SBF2: variants seen among roughly 807,000 people sequenced by gnomAD.
The protein encoded by SBF2 is SET binding factor 2, also known as myotubularin-related protein 13.
Under a neutral mutation model 225.2 loss-of-function variants are expected in SBF2, and 112 were observed. The ratio of observed to expected loss-of-function variants is 0.50; its 90% CI spans 0.43 to 0.58. The LOEUF (loss-of-function observed/expected upper bound fraction) is 0.58, where lower values mean the gene tolerates loss of function less well. SBF2 is among the 20% of genes least tolerant of loss of function. The pLI is 0.00. For missense variants in SBF2, 1,996 were observed against 2,206.2 expected (o/e 0.90, Z 1.91); for synonymous variants, 763 against 773.3 (o/e 0.99, Z 0.22).
At chr11:9,789,464 C>G in intron 34 of SBF2, 122 bp from the exon 35 acceptor site, 2 of 668,128 alleles carry the variant, frequency 3.0e-6, no homozygotes, top group Non-Finnish European at 5.3e-6. Flanking sequence ...AGTTCAAATA[C>G]CATATTTCTA....
At chr11:10,044,770 C>T (rs538221302) in intron 2 of SBF2, among the ~76,000 whole-genome samples, 1 of 152,350 alleles carries the variant, frequency 6.6e-6, no homozygotes, top group South Asian at 2.1e-4. Context: ...CGTCTTGTGC[C>T]ATAGCAGAAG....
intron 3 of SBF2, among the ~76,000 whole-genome samples, chr11:10,032,940 C>A (rs541984104): frequency 6.6e-6 from 1 of 152,254 alleles, no homozygotes; most frequent in African/African-American, 2.4e-5. Flanking sequence ...CTTTAGAGCT[C>A]ATTTAGTTTC....
intron 16 of SBF2, chr11:9,959,432 G>T (rs1466391463): frequency 1.5e-5 from 16 of 1,045,100 alleles, no homozygotes; most frequent in Non-Finnish European, 1.8e-5. Context: ...CAGGGGTGCT[G>T]GTTGCTCACC....
chr11:10,052,158 G>A (rs1365464326), intron 2 of SBF2, among the ~76,000 whole-genome samples: 2 of 147,470 alleles, frequency 1.4e-5, no homozygotes, highest in Non-Finnish European at 1.5e-5. Context: ...AGGCAAACAG[G>A]AAAAAAAAAA....
intron 13 of SBF2, among the ~76,000 whole-genome samples, chr11:9,969,433 A>G (rs1250413571): frequency 2.0e-5 from 3 of 152,206 alleles, no homozygotes; most frequent in African/African-American, 7.2e-5. Context: ...CTCACTCACA[A>G]TAAAACCCAA....
At chr11:10,002,224 T>A (rs1047950776) in intron 7 of SBF2, among the ~76,000 whole-genome samples, 13 of 152,226 alleles carry the variant, frequency 8.5e-5, no homozygotes, top group African/African-American at 3.1e-4. Context: ...AAGAGCTTTT[T>A]ATTAATAGAA....
In SBF2 at chr11:10,289,098, C is replaced by T. The variant is rs543054464; in HGVS notation, c.55+4917G>A. ...CCAGAGGGGGCTGAGGAGGCAGGGG[C>T]CCAGTGTGTCAGCGCTGACCTAAGT... On this transcript the variant is annotated intron_variant, in intron 1 of 39. Transcript: ENST00000256190. Among the ~76,000 whole-genome samples, 50 of 152,346 alleles carry T rather than the reference C, an allele frequency of 3.3e-4. No homozygotes were observed. In the South Asian group the frequency reaches 9.9e-3, roughly 30 times the overall value.
intron 17 of SBF2, among the ~76,000 whole-genome samples, chr11:9,883,603 T>C (rs1393834424): frequency 4.6e-5 from 7 of 152,104 alleles, no homozygotes; most frequent in Non-Finnish European, 1.0e-4. Flanking sequence ...TGGGCATCAT[T>C]ATTATTATAT....
At chr11:10,097,915 G>T (rs1169221851) in intron 2 of SBF2, among the ~76,000 whole-genome samples, 1 of 151,880 alleles carries the variant, frequency 6.6e-6, no homozygotes, top group Non-Finnish European at 1.5e-5. Flanking sequence ...TCACCCCACC[G>T]ACAACACACA....
At chr11:10,053,207 T>G (rs933775875) in intron 2 of SBF2, among the ~76,000 whole-genome samples, 1 of 152,286 alleles carries the variant, frequency 6.6e-6, no homozygotes, top group East Asian at 1.9e-4. Context: ...TCCCTATTGT[T>G]GGTTAAGATG....
intron 16 of SBF2, chr11:9,960,486 A>G (rs1351058464): frequency 2.0e-5 from 3 of 152,060 alleles, no homozygotes; most frequent in African/African-American, 7.2e-5. Flanking sequence ...TATCAATGGT[A>G]TGTTATGTGT....
At chr11:10,057,791 C>T (rs1950303023) in intron 2 of SBF2, among the ~76,000 whole-genome samples, 1 of 152,194 alleles carries the variant, frequency 6.6e-6, no homozygotes, top group Admixed American at 6.5e-5. Context: ...ATGGCTACAA[C>T]TGTGAGGAAA....
chr11:9,992,581 T>C, intron 11 of SBF2, 38 bp from the exon 12 acceptor site: 1 of 1,597,486 alleles, frequency 6.3e-7, no homozygotes, highest in Non-Finnish European at 8.5e-7. Flanking sequence ...AATTTATCAC[T>C]TGGTAACGGA....
At chr11:9,924,093 G>A (rs17356369) in intron 16 of SBF2, among the ~76,000 whole-genome samples, 18,496 of 152,158 alleles carry the variant, frequency 0.12, 1,233 homozygotes, top group Non-Finnish European at 0.14. Context: ...TAGAGTTTGA[G>A]CATGGGATTC....
intron 36 of SBF2, among the ~76,000 whole-genome samples, chr11:9,786,689 A>G (rs75920705): frequency 0.024 from 3,712 of 152,240 alleles, 65 homozygotes; most frequent in Non-Finnish European, 0.037. Flanking sequence ...TGGCTCTACC[A>G]GTTGCCACTG....
chr11:10,280,927 T>C (rs192903958), intron 1 of SBF2, among the ~76,000 whole-genome samples: 489 of 152,338 alleles, frequency 3.2e-3, no homozygotes, highest in Non-Finnish European at 4.9e-3. Context: ...CTTTCGGCCC[T>C]AAAGTTTTAT....
intron 16 of SBF2, among the ~76,000 whole-genome samples, chr11:9,896,925 C>T (rs1483938510): frequency 6.6e-6 from 1 of 152,012 alleles, no homozygotes; most frequent in African/African-American, 2.4e-5. Context: ...GGTAAAATGG[C>T]ACAGTGACTG....
At chr11:10,203,533 T>C (rs964372347) in intron 1 of SBF2, among the ~76,000 whole-genome samples, 1 of 152,104 alleles carries the variant, frequency 6.6e-6, no homozygotes, top group Admixed American at 6.5e-5. Context: ...AACACAGAAA[T>C]ATCCAGCAAT....
At position 9,789,160 on chromosome 11, in the gene SBF2, G is replaced by A. The variant is rs2133858474; in HGVS notation, c.4881C>T (p.Cys1627=). 2.5e-6 allele frequency: 4 copies of A among 1,614,138 alleles called. No homozygotes were observed. Among genetic ancestry groups the A allele is most frequent in the Non-Finnish European group, 3.4e-6 (4 of 1,180,022 alleles). ...PRSQRRTVWP[C]YDDVSCTQPD... ...GCTGAGTACAGCTGACATCATCATA[G>A]CATGGCCACACTGTTCTCCTCTGGC... Residue 1627 remains cysteine, a synonymous_variant, in exon 35 of 40, where the codon TGC becomes TGT. Transcript: ENST00000256190.
Sources: allele counts gnomAD v4.1 joint callset (sites outside exome capture counted in the v4.1 genomes callset), GRCh38; gene constraint gnomAD v4.1.1; transcripts MANE v1.5; gene names NCBI Gene and HGNC (gene_info 2026-07-23, HGNC 2026-07-21).